Variants in GPC6 observed in about 807,000 individuals in gnomAD.
GPC6 encodes the protein glypican 6, also known as glypican-6.
A neutral mutation model predicts 55.2 loss-of-function variants in GPC6; 14 were observed. The ratio of observed to expected loss-of-function variants is 0.25; its 90% CI spans 0.17 to 0.40. The LOEUF is 0.40. Among genes scored for constraint, GPC6 ranks in the 10% least tolerant of loss-of-function variants. The pLI is 1.00. For missense variants in GPC6, 641 were observed against 708.5 expected (o/e 0.90, Z 1.08); for synonymous variants, 278 against 259.6 (o/e 1.07, Z -0.68).
chr13:93,646,871 CA>C (rs1005617848), intron 2 of GPC6, among the ~76,000 whole-genome samples: 1 of 142,512 alleles, frequency 7.0e-6, no homozygotes. Context: ...AAAAAAAAAA[CA>C]AAAAAAACAA....
chr13:94,078,758 C>G (rs888946504), intron 4 of GPC6, among the ~76,000 whole-genome samples: 1 of 151,832 alleles, frequency 6.6e-6, no homozygotes, highest in Non-Finnish European at 1.5e-5. Flanking sequence ...AATAAAAAAC[C>G]TCTCAACAAA....
intron 3 of GPC6, among the ~76,000 whole-genome samples, chr13:93,955,519 A>G (rs1458543525): frequency 6.6e-6 from 1 of 152,034 alleles, no homozygotes; most frequent in African/African-American, 2.4e-5. Flanking sequence ...CTACATGAAA[A>G]ACAGAGTCAT....
At chr13:93,521,506 G>A (rs1037895678) in intron 1 of GPC6, among the ~76,000 whole-genome samples, 3 of 151,906 alleles carry the variant, frequency 2.0e-5, no homozygotes, top group Non-Finnish European at 2.9e-5. Context: ...GCTTGTGAAC[G>A]CTGGTGCAGG....
At chr13:93,770,659 G>T (rs538944233) in intron 2 of GPC6, among the ~76,000 whole-genome samples, 4 of 152,050 alleles carry the variant, frequency 2.6e-5, no homozygotes, top group Non-Finnish European at 5.9e-5. Context: ...ATTCTTCTAT[G>T]GACTGTAATG....
intron 1 of GPC6, among the ~76,000 whole-genome samples, chr13:93,231,376 T>TATAC (rs1387557954): frequency 5.7e-5 from 1 of 17,552 alleles, no homozygotes; most frequent in Non-Finnish European, 9.7e-5. Flanking sequence ...TATATATATA[T>TATAC]ATACATATAT....
chr13:93,859,394 C>T (rs541315019), intron 3 of GPC6, among the ~76,000 whole-genome samples: 1 of 151,630 alleles, frequency 6.6e-6, no homozygotes, highest in East Asian at 2.0e-4. Context: ...ATGAATATAA[C>T]TGCTTTATTA....
intron 1 of GPC6, among the ~76,000 whole-genome samples, chr13:93,429,737 A>G (rs1877284834): frequency 6.6e-6 from 1 of 152,038 alleles, no homozygotes; most frequent in Non-Finnish European, 1.5e-5. Context: ...TCTGGTCACC[A>G]TTAGTGTAAG....
At chr13:93,523,035 A>G (rs1235208832) in intron 1 of GPC6, among the ~76,000 whole-genome samples, 1 of 148,532 alleles carries the variant, frequency 6.7e-6, no homozygotes, top group Non-Finnish European at 1.5e-5. Flanking sequence ...ATATATACAA[A>G]TACATACACA....
At chr13:93,502,901 T>C (rs1880574299) in intron 1 of GPC6, among the ~76,000 whole-genome samples, 1 of 152,080 alleles carries the variant, frequency 6.6e-6, no homozygotes, top group Non-Finnish European at 1.5e-5. Context: ...ATACTATAGA[T>C]GTAACTAACT....
At chr13:94,010,865 A>G (rs193228356) in intron 3 of GPC6, among the ~76,000 whole-genome samples, 23 of 152,278 alleles carry the variant, frequency 1.5e-4, no homozygotes, top group Non-Finnish European at 2.2e-4. Flanking sequence ...GTGAATTGAA[A>G]TAAGTCTACT....
intron 1 of GPC6, among the ~76,000 whole-genome samples, chr13:93,488,704 A>C (rs960635789): frequency 6.6e-6 from 1 of 151,962 alleles, no homozygotes; most frequent in Admixed American, 6.6e-5. Flanking sequence ...TTTGATTTGC[A>C]TTTCTCTGAT....
chr13:93,375,610 C>A (rs1043200836), intron 1 of GPC6, among the ~76,000 whole-genome samples: 6 of 152,200 alleles, frequency 3.9e-5, no homozygotes, highest in African/African-American at 1.4e-4. Context: ...TTTCACTCCT[C>A]CCGATGGTAG....
At chr13:94,170,263 A>G (rs760373106) in intron 4 of GPC6, among the ~76,000 whole-genome samples, 5 of 151,150 alleles carry the variant, frequency 3.3e-5, no homozygotes, top group South Asian at 2.1e-4. Context: ...AAATCAACCT[A>G]TGTTCCTTGG....
chr13:93,412,912 T>C (rs969234274), intron 1 of GPC6, among the ~76,000 whole-genome samples: 4 of 152,146 alleles, frequency 2.6e-5, no homozygotes, highest in Non-Finnish European at 5.9e-5. Context: ...ATTAACAAAC[T>C]GTGATGATTA....
chr13:94,260,990 G>T (rs574381909), intron 4 of GPC6, among the ~76,000 whole-genome samples: 6 of 152,248 alleles, frequency 3.9e-5, no homozygotes, highest in African/African-American at 1.4e-4. Context: ...ATAAGGAAAA[G>T]GCGCCGGGCA....
At chr13:93,265,803 T>A (rs1291096131) in intron 1 of GPC6, among the ~76,000 whole-genome samples, 1 of 142,370 alleles carries the variant, frequency 7.0e-6, no homozygotes. Flanking sequence ...TTTTTCTTTT[T>A]TTTCTTTTTT....
intron 4 of GPC6, among the ~76,000 whole-genome samples, chr13:94,211,771 C>A (rs867853934): frequency 5.9e-5 from 9 of 152,302 alleles, no homozygotes; most frequent in African/African-American, 1.9e-4. Flanking sequence ...ATTCTCATGG[C>A]CCTATTATAT....
chr13:93,478,900 G>C (rs9561360), intron 1 of GPC6, among the ~76,000 whole-genome samples: 1 of 152,062 alleles, frequency 6.6e-6, no homozygotes, highest in African/African-American at 2.4e-5. Context: ...TATATTATAG[G>C]CATGTTGGAC....
intron 2 of GPC6, among the ~76,000 whole-genome samples, chr13:93,717,415 A>G (rs953250322): frequency 2.0e-5 from 3 of 151,618 alleles, no homozygotes; most frequent in African/African-American, 7.3e-5. Context: ...TAATTATAAT[A>G]TTATGGAAAT....
Sources: allele counts gnomAD v4.1 joint callset (sites outside exome capture counted in the v4.1 genomes callset), GRCh38; gene constraint gnomAD v4.1.1; transcripts MANE v1.5; gene names NCBI Gene and HGNC (gene_info 2026-07-23, HGNC 2026-07-21).